Variants in MEGF9 observed in about 807,000 individuals in gnomAD.
The protein encoded by MEGF9 is multiple epidermal growth factor-like domains protein 9.
In MEGF9, 6 loss-of-function variants were observed where a neutral mutation model predicts 46.8. The observed-to-expected ratio is 0.13, with a 90% CI of 0.07 to 0.25. MEGF9 has a LOEUF of 0.25. Ranked by LOEUF, MEGF9 falls within the 10% of genes least tolerant of loss-of-function variation. MEGF9 has a pLI of 1.00. For synonymous variants in MEGF9, 302 were observed against 330.7 expected, an observed-to-expected ratio of 0.91 and a Z score of 0.94; for missense variants, 683 against 792.4, an observed-to-expected ratio of 0.86 and a Z score of 1.66.
intron 2 of MEGF9, among the ~76,000 whole-genome samples, chr9:120,630,901 T>C (rs2043547888): frequency 1.3e-5 from 2 of 152,232 alleles, no homozygotes; most frequent in African/African-American, 4.8e-5. Flanking sequence ...AGATGAATAG[T>C]TTGCAAATAT....
intron 1 of MEGF9, among the ~76,000 whole-genome samples, chr9:120,675,915 CTATTCT>C (rs1257585996): frequency 6.8e-6 from 1 of 146,968 alleles, no homozygotes; most frequent in African/African-American, 2.5e-5. Flanking sequence ...AAAAAACAAC[CTATTCT>C]TATATCAGCA....
At chr9:120,607,603 G>A (rs2043424978) in intron 5 of MEGF9, 138 bp downstream of exon 5, 1 of 916,760 alleles carries the variant, frequency 1.1e-6, no homozygotes, top group East Asian at 2.5e-5. Flanking sequence ...GGAATGGAAG[G>A]AAACCTCTTT....
chr9:120,660,587 C>G (rs1346257142), intron 1 of MEGF9, among the ~76,000 whole-genome samples: 1 of 152,182 alleles, frequency 6.6e-6, no homozygotes, highest in African/African-American at 2.4e-5. Flanking sequence ...GTCCACTATT[C>G]TTCGCAGTCA....
At chr9:120,702,920 A>G (rs913140065) in intron 1 of MEGF9, among the ~76,000 whole-genome samples, 4 of 152,224 alleles carry the variant, frequency 2.6e-5, no homozygotes, top group African/African-American at 9.7e-5. Context: ...TACTAGACAG[A>G]TAACTAGTAA....
intron 4 of MEGF9, among the ~76,000 whole-genome samples, chr9:120,611,849 AAGGAAGGAAGG>A (rs2043447307): frequency 1.4e-5 from 2 of 138,038 alleles, no homozygotes; most frequent in African/African-American, 2.9e-5. Context: ...GGAAGGAAGG[AAGGAAGGAAGG>A]AAGAAAGAGA....
intron 3 of MEGF9, among the ~76,000 whole-genome samples, chr9:120,621,927 T>A (rs573320972): frequency 6.7e-6 from 1 of 148,590 alleles, no homozygotes; most frequent in South Asian, 2.1e-4. Context: ...TCCTTAGCCC[T>A]AAAAGACTGT....
rs150354445 is a variant in MEGF9, at chr9:120,625,662, C to T, written c.804-2907G>A. 4.4e-4 allele frequency among the ~76,000 whole-genome samples: 67 copies of T among 151,756 alleles called. No individual in the cohort carries two copies. The East Asian group carries it at 0.012, about 26-fold the overall frequency. ...CAGCCTGGCCAACATAGTGAAACCT[C>T]GTCTCTACTAAAAATACAAAAATTA... is the stretch of plus-strand genomic sequence containing the variant. On this transcript the variant is annotated intron_variant, in intron 2 of 5. Coordinates refer to ENST00000373930, the MANE Select transcript of MEGF9 (RefSeq NM_001080497.3).
At chr9:120,646,756 TTATC>T (rs1449794389) in intron 2 of MEGF9, among the ~76,000 whole-genome samples, 1 of 152,170 alleles carries the variant, frequency 6.6e-6, no homozygotes, top group Non-Finnish European at 1.5e-5. Flanking sequence ...ATTATCTTAT[TTATC>T]TTTTATCTCT....
chr9:120,611,565 G>A (rs553139980), intron 4 of MEGF9, among the ~76,000 whole-genome samples: 4 of 152,188 alleles, frequency 2.6e-5, no homozygotes, highest in Admixed American at 2.6e-4. Flanking sequence ...AGAAAAAGTA[G>A]GTTAGTGGTT....
intron 1 of MEGF9, among the ~76,000 whole-genome samples, chr9:120,678,230 T>G (rs1035681178): frequency 2.0e-5 from 3 of 152,222 alleles, no homozygotes; most frequent in African/African-American, 7.2e-5. Flanking sequence ...TCTTGGCTAT[T>G]ATGAACAGTT....
At chr9:120,705,591 C>A in intron 1 of MEGF9, among the ~76,000 whole-genome samples, 1 of 149,652 alleles carries the variant, frequency 6.7e-6, no homozygotes, top group Admixed American at 6.7e-5. Flanking sequence ...TTTTTCTGAC[C>A]ATAATTATCT....
At chr9:120,701,648 T>G (rs1171759756) in intron 1 of MEGF9, among the ~76,000 whole-genome samples, 1 of 152,192 alleles carries the variant, frequency 6.6e-6, no homozygotes, top group Non-Finnish European at 1.5e-5. Flanking sequence ...TCAAATATAT[T>G]GATAAAGACT....
chr9:120,693,940 A>C (rs1458995648), intron 1 of MEGF9, among the ~76,000 whole-genome samples: 1 of 152,080 alleles, frequency 6.6e-6, no homozygotes, highest in Non-Finnish European at 1.5e-5. Context: ...AAAAAAAATA[A>C]AGGTAAAAGT....
Position 120,714,221 on chromosome 9 carries a change from C to T in MEGF9, c.138G>A (p.Gly46=), listed in dbSNP as rs927552734. The T allele has an allele frequency of 5.1e-5, 63 of 1,236,166 alleles. No homozygotes were observed. The highest frequency in any genetic ancestry group is 6.0e-5 in the Non-Finnish European group (60 of 992,074). 76.6% of individuals were successfully genotyped at this position (1,236,166 alleles called of 1,614,324 possible). The change falls in exon 1 of 6, where the codon GGG becomes GGA. Residue 46 remains glycine (G), a synonymous_variant. Coordinates refer to ENST00000373930, the MANE Select transcript of MEGF9 (RefSeq NM_001080497.3). ...GCGACGCGTCCACCTGCCCCGCGGC[C>T]CCGCCGCCACCGGTGACATTCCCCG... ...ASAGNVTGGG[G]AAGQVDASPG... is the part of the protein sequence containing the mutation.
chr9:120,682,590 C>CACAG (rs397824695), intron 1 of MEGF9, among the ~76,000 whole-genome samples: 1 of 151,982 alleles, frequency 6.6e-6, no homozygotes, highest in East Asian at 1.9e-4. Context: ...CACACACACA[C>CACAG]GCACACACAT....
chr9:120,613,957 G>A (rs930805861), intron 3 of MEGF9, among the ~76,000 whole-genome samples: 1 of 151,198 alleles, frequency 6.6e-6, no homozygotes, highest in Non-Finnish European at 1.5e-5. Flanking sequence ...CACAACTGAA[G>A]CAAAACTTGA....
intron 1 of MEGF9, among the ~76,000 whole-genome samples, chr9:120,708,813 T>C (rs749805597): frequency 6.6e-6 from 1 of 152,168 alleles, no homozygotes; most frequent in African/African-American, 2.4e-5. Flanking sequence ...ATCAATCTTA[T>C]AAATTTAGTT....
rs560427709 is a variant in MEGF9 at position 120,653,892 on chromosome 9, C to G, written c.803+5482G>C. On this transcript the variant is annotated intron_variant, in intron 2 of 5. Coordinates refer to ENST00000373930, the MANE Select transcript of MEGF9 (RefSeq NM_001080497.3). ...TAGGCTCATCTATAGATACTGCAAT[C>G]ATCTAAAATTATGGCAAGTGTAGTG... 3.9e-5 allele frequency among the ~76,000 whole-genome samples: 6 copies of G among 152,304 alleles called. No homozygotes were observed. In the East Asian group the frequency reaches 1.2e-3, roughly 29 times the overall value.
chr9:120,695,895 G>C (rs900301791), intron 1 of MEGF9, among the ~76,000 whole-genome samples: 1 of 152,192 alleles, frequency 6.6e-6, no homozygotes, highest in Non-Finnish European at 1.5e-5. Flanking sequence ...CTCCCCTGCA[G>C]CCAGGGCATG....
Sources: gnomAD v4.1 joint callset for allele counts (sites outside exome capture counted in the v4.1 genomes callset) on GRCh38, gnomAD v4.1.1 for gene constraint, MANE v1.5 for transcripts, NCBI Gene and HGNC (gene_info 2026-07-23, HGNC 2026-07-21) for gene names.